Variants in STAU2 observed in about 807,000 individuals in gnomAD.
STAU2 encodes the protein double-stranded RNA-binding protein Staufen homolog 2.
Under a neutral mutation model 65.9 loss-of-function variants are expected in STAU2, and 20 were observed. The ratio of observed to expected loss-of-function variants is 0.30; its 90% CI spans 0.21 to 0.44. The LOEUF is 0.44. Ranked by LOEUF, STAU2 falls within the 20% of genes least tolerant of loss-of-function variation. The pLI is 1.00. For synonymous variants in STAU2, 232 were observed against 233.9 expected, an observed-to-expected ratio of 0.99 and a Z score of 0.07; for missense variants, 558 against 683.9, an observed-to-expected ratio of 0.82 and a Z score of 2.05.
At chr8:73,641,632 TAGA>T (rs949106537) in intron 6 of STAU2, among the ~76,000 whole-genome samples, 1 of 152,210 alleles carries the variant, frequency 6.6e-6, no homozygotes, top group Non-Finnish European at 1.5e-5. Flanking sequence ...TATACATCTC[TAGA>T]AGATTTATAA....
In STAU2 at chr8:73,599,772, T is replaced by C. The variant is rs1811489434; in HGVS notation, c.1029+3954A>G. On this transcript the variant is annotated intron_variant, in intron 10 of 14. Coordinates refer to ENST00000524300, the MANE Select transcript of STAU2 (RefSeq NM_001164380.2). ...TTGTGTTATTATTTCCAACAGTACT[T>C]TTTTTTTTTTTGAGACGGAGTCTCG... is the stretch of plus-strand genomic sequence containing the variant. Among the ~76,000 whole-genome samples the C allele has an allele frequency of 2.0e-5, 3 of 147,634 alleles. No homozygotes were observed. In the South Asian group the frequency reaches 6.3e-4, roughly 31 times the overall value.
intron 3 of STAU2, among the ~76,000 whole-genome samples, chr8:73,716,920 A>G (rs1821290320): frequency 6.6e-6 from 1 of 152,074 alleles, no homozygotes; most frequent in Non-Finnish European, 1.5e-5. Flanking sequence ...TCTGGGCAAC[A>G]TGGTACCCCG....
intron 3 of STAU2, among the ~76,000 whole-genome samples, chr8:73,722,594 T>TATAA (rs1241119079): frequency 2.6e-5 from 4 of 152,380 alleles, no homozygotes; most frequent in African/African-American, 9.6e-5. Flanking sequence ...TGCTTGCTTA[T>TATAA]ATCGTTTCTG....
chr8:73,509,240 T>G (rs765013562), intron 13 of STAU2, among the ~76,000 whole-genome samples: 5 of 152,212 alleles, frequency 3.3e-5, no homozygotes, highest in Non-Finnish European at 7.3e-5. Context: ...ATTTCCCTGA[T>G]GGCTAATGAC....
chr8:73,665,226 T>C (rs1817144532), intron 6 of STAU2, among the ~76,000 whole-genome samples: 1 of 152,172 alleles, frequency 6.6e-6, no homozygotes, highest in Non-Finnish European at 1.5e-5. Flanking sequence ...TAACAAAATA[T>C]TTAAAAAGTT....
chr8:73,479,728 T>C (rs558548745), intron 13 of STAU2, among the ~76,000 whole-genome samples: 22 of 151,288 alleles, frequency 1.5e-4, no homozygotes, highest in African/African-American at 5.3e-4. Context: ...TGTGTGTGTG[T>C]GTGTGTGTGT....
At chr8:73,611,672 G>T (rs1021962225) in intron 9 of STAU2, among the ~76,000 whole-genome samples, 7 of 149,550 alleles carry the variant, frequency 4.7e-5, no homozygotes, top group African/African-American at 9.8e-5. Flanking sequence ...TTATTATTAT[G>T]ATTATTATTA....
At chr8:73,435,370 A>C (rs1817613296) in intron 13 of STAU2, among the ~76,000 whole-genome samples, 2 of 151,834 alleles carry the variant, frequency 1.3e-5, no homozygotes, top group South Asian at 4.2e-4. Flanking sequence ...ATCCTCAAAA[A>C]ATATTCCTCA....
chr8:73,428,760 C>T (rs1201876714), intron 13 of STAU2, among the ~76,000 whole-genome samples: 2 of 152,190 alleles, frequency 1.3e-5, no homozygotes, highest in Non-Finnish European at 2.9e-5. Context: ...AAATGACCTG[C>T]TTCACCCAGT....
rs544250600 is a variant in STAU2, at chr8:73,518,092, G to A, written c.1530+33920C>T. ...TGTTTCTAAATGGAATTTCAGCAAG[G>A]AGAGAAAAGTAACCTTTGCCATAGG... On this transcript the variant is annotated intron_variant, in intron 13 of 14. Coordinates refer to ENST00000524300, the MANE Select transcript of STAU2 (RefSeq NM_001164380.2). Among the ~76,000 whole-genome samples the A allele has an allele frequency of 5.9e-5, 9 of 152,314 alleles. No homozygotes were observed. The South Asian group carries it at 1.9e-3, about 32-fold the overall frequency.
chr8:73,599,908 C>CT (rs1811503309), intron 10 of STAU2, among the ~76,000 whole-genome samples: 1 of 152,164 alleles, frequency 6.6e-6, no homozygotes, highest in South Asian at 2.1e-4. Context: ...GCTAGGACTA[C>CT]AGGTGCCCAC....
intron 6 of STAU2, among the ~76,000 whole-genome samples, chr8:73,648,285 G>A (rs1815545564): frequency 6.6e-6 from 1 of 152,092 alleles, no homozygotes; most frequent in Admixed American, 6.5e-5. Flanking sequence ...GTTCTGAAGT[G>A]AGGCTTCGAG....
intron 6 of STAU2, among the ~76,000 whole-genome samples, chr8:73,624,871 GGCAA>G (rs1813524917): frequency 6.6e-6 from 1 of 152,200 alleles, no homozygotes; most frequent in Non-Finnish European, 1.5e-5. Flanking sequence ...AGCTGCCAAA[GGCAA>G]TGATGGGGAC....
chr8:73,449,592 G>C (rs1818683456), intron 13 of STAU2, among the ~76,000 whole-genome samples: 1 of 152,160 alleles, frequency 6.6e-6, no homozygotes, highest in Admixed American at 6.5e-5. Context: ...GATTCTCCCA[G>C]GCACCAACTG....
intron 13 of STAU2, chr8:73,439,993 C>T (rs940563414): frequency 1.3e-5 from 2 of 152,268 alleles, no homozygotes; most frequent in African/African-American, 4.8e-5. Context: ...TGTCCTGGAG[C>T]CTCTTAAGAG....
At chr8:73,716,411 T>C (rs1470465659) in intron 3 of STAU2, among the ~76,000 whole-genome samples, 1 of 152,178 alleles carries the variant, frequency 6.6e-6, no homozygotes, top group Non-Finnish European at 1.5e-5. Context: ...TTTCTAGTCT[T>C]GACAGTGCCA....
chr8:73,520,015 C>T (rs1043532997), intron 13 of STAU2, among the ~76,000 whole-genome samples: 13 of 152,272 alleles, frequency 8.5e-5, no homozygotes, highest in African/African-American at 3.1e-4. Context: ...TCTGACAGAA[C>T]AATTAAAATT....
At chr8:73,538,820 C>T (rs1251583962) in intron 13 of STAU2, among the ~76,000 whole-genome samples, 1 of 152,048 alleles carries the variant, frequency 6.6e-6, no homozygotes, top group African/African-American at 2.4e-5. Flanking sequence ...ACTACAAATC[C>T]AAATTGGTAG....
At chr8:73,552,342 T>C (rs756456570) in intron 12 of STAU2, 23 bp from the exon 13 acceptor site, 15 of 1,584,082 alleles carry the variant, frequency 9.5e-6, no homozygotes, top group East Asian at 2.3e-5. Flanking sequence ...TGAAGAACAC[T>C]GTTATTACAC....
Sources: allele counts gnomAD v4.1 joint callset (sites outside exome capture counted in the v4.1 genomes callset), GRCh38; gene constraint gnomAD v4.1.1; transcripts MANE v1.5; gene names NCBI Gene and HGNC (gene_info 2026-07-23, HGNC 2026-07-21).